The following PTCD2 variants were observed in gnomAD, a reference collection of about 807,000 sequenced individuals.
PTCD2 encodes pentatricopeptide repeat domain 2.
A neutral mutation model predicts 42.6 loss-of-function variants in PTCD2; 31 were observed. The observed-to-expected ratio is 0.73, with a 90% confidence interval of 0.55 to 0.98. PTCD2 has a LOEUF of 0.98. PTCD2 is among the 50% of genes least tolerant of loss of function. The pLI is 0.00. For synonymous variants in PTCD2, 183 were observed against 170.9 expected (o/e 1.07, Z -0.55); for missense variants, 476 against 454.8 (o/e 1.05, Z -0.42).
intron 9 of PTCD2, among the ~76,000 whole-genome samples, chr5:72,356,319 A>G (rs1386304868): frequency 1.3e-5 from 2 of 152,212 alleles, no homozygotes; most frequent in African/African-American, 2.4e-5. Context: ...AAATACTCAT[A>G]TAAGACTCTT....
chr5:72,344,968 G>A (rs556416420), intron 8 of PTCD2, among the ~76,000 whole-genome samples: 15 of 152,232 alleles, frequency 9.9e-5, no homozygotes, highest in East Asian at 5.8e-4. Flanking sequence ...ATGAAGTTTC[G>A]GGCATGCATT....
Position 72,351,793 on chromosome 5 carries a change from T to A in PTCD2, c.829-848T>A, listed in dbSNP as rs55742019. ...GTCCCTCCCCCGACACTGGAGATTA[T>A]CATTCGAGATGAAATTTGGGTGGGG... On this transcript the variant is annotated intron_variant, in intron 8 of 9. Coordinates refer to ENST00000380639, the MANE Select transcript of PTCD2 (RefSeq NM_024754.5). 9.0e-3 allele frequency among the ~76,000 whole-genome samples: 1,373 copies of A among 152,232 alleles called. 33 individuals are homozygous for A. Among genetic ancestry groups the A allele is most frequent in the African/African-American group, 0.032 (1,317 of 41,530 alleles).
At chr5:72,352,037 C>G (rs1752647912) in intron 8 of PTCD2, among the ~76,000 whole-genome samples, 1 of 152,178 alleles carries the variant, frequency 6.6e-6, no homozygotes, top group African/African-American at 2.4e-5. Flanking sequence ...AAGTACCAGT[C>G]CAGAGTCACT....
At chr5:72,330,824 C>T (rs1166937974) in intron 3 of PTCD2, among the ~76,000 whole-genome samples, 2 of 152,078 alleles carry the variant, frequency 1.3e-5, no homozygotes, top group Non-Finnish European at 2.9e-5. Context: ...GTCTGCCATC[C>T]TATATGAGGA....
intron 9 of PTCD2, among the ~76,000 whole-genome samples, chr5:72,357,190 A>C (rs1752917590): frequency 6.6e-6 from 1 of 152,132 alleles, no homozygotes; most frequent in African/African-American, 2.4e-5. Flanking sequence ...TCAGGTCCAA[A>C]CAGAGCTCTT....
chr5:72,326,990 C>G (rs1751175741), intron 3 of PTCD2, among the ~76,000 whole-genome samples: 1 of 152,172 alleles, frequency 6.6e-6, no homozygotes, highest in African/African-American at 2.4e-5. Flanking sequence ...AAGAAGTTAC[C>G]AGCCTATCAC....
At position 72,368,296 on chromosome 5, in the gene PTCD2, C is replaced by G. The variant is rs1443647748; in HGVS notation, c.*9869C>G. 2.0e-5 allele frequency: 3 copies of G among 152,172 alleles called. No homozygotes were observed. The highest frequency in any genetic ancestry group is 7.2e-5 in the African/African-American group (3 of 41,440). 9.4% of individuals were successfully genotyped at this position (152,172 alleles called of 1,614,324 possible). Reference sequence around the variant, plus strand: ...TGAGACAGATAGGCGGAATAGGTCCCCCTGTCTTTGAGTAGAAGAGTTGGC... The same window carrying G: ...TGAGACAGATAGGCGGAATAGGTCCGCCTGTCTTTGAGTAGAAGAGTTGGC... On this transcript the variant is annotated 3_prime_UTR_variant, in exon 10 of 10. Transcript: ENST00000380639.
At chr5:72,340,705 A>G (rs1752007547) in intron 7 of PTCD2, among the ~76,000 whole-genome samples, 1 of 151,828 alleles carries the variant, frequency 6.6e-6, no homozygotes, top group Non-Finnish European at 1.5e-5. Flanking sequence ...TTGTTTTTGT[A>G]CTTGAACTAC....
At chr5:72,347,429 TA>T (rs1752411877) in intron 8 of PTCD2, among the ~76,000 whole-genome samples, 1 of 152,190 alleles carries the variant, frequency 6.6e-6, no homozygotes, top group Admixed American at 6.5e-5. Flanking sequence ...CTCATGCCTG[TA>T]ATCTCAGCAC....
intron 8 of PTCD2, among the ~76,000 whole-genome samples, chr5:72,351,051 T>C (rs886442995): frequency 6.6e-6 from 1 of 152,342 alleles, no homozygotes; most frequent in Middle Eastern, 3.4e-3. Flanking sequence ...GAAATAAATG[T>C]CTGTTGTGTA....
intron 8 of PTCD2, 43 bp from the exon 9 acceptor site, chr5:72,352,598 A>T: frequency 3.2e-6 from 3 of 933,914 alleles, no homozygotes; most frequent in South Asian, 1.4e-5. Flanking sequence ...GCATTGAGAC[A>T]CTCACTCAGT....
At chr5:72,357,125 G>A (rs1436669009) in intron 9 of PTCD2, among the ~76,000 whole-genome samples, 1 of 152,088 alleles carries the variant, frequency 6.6e-6, no homozygotes, top group Non-Finnish European at 1.5e-5. Flanking sequence ...CCCCAGACTT[G>A]TATATCCAAC....
intron 4 of PTCD2, among the ~76,000 whole-genome samples, chr5:72,333,901 G>A (rs967431618): frequency 6.6e-6 from 1 of 152,068 alleles, no homozygotes; most frequent in African/African-American, 2.4e-5. Context: ...TCACCTAAGC[G>A]GGAATACAGT....
chr5:72,344,685 G>A lies in PTCD2; in HGVS notation c.828+1649G>A, dbSNP rs553446140. ...TCTTTTCTATTTTCCCTAAGTGTCG[G>A]CCAGTCTGAGAAATAAAGGGACAGA... On this transcript the variant is annotated intron_variant, in intron 8 of 9. Coordinates refer to ENST00000380639, the MANE Select transcript of PTCD2 (RefSeq NM_024754.5). Among the ~76,000 whole-genome samples the A allele has an allele frequency of 2.0e-5, 3 of 152,202 alleles. No individual in the cohort carries two copies. In the South Asian group the frequency reaches 6.2e-4, roughly 32 times the overall value.
intron 9 of PTCD2, 130 bp downstream of exon 9, chr5:72,352,884 T>C (rs556340657): frequency 1.7e-6 from 1 of 578,080 alleles, no homozygotes; most frequent in African/African-American, 1.9e-5. Flanking sequence ...GTTGTTCCTG[T>C]TTTAAGACTT....
chr5:72,338,737 T>TAA lies in PTCD2; in HGVS notation c.753+4_753+5dup, dbSNP rs1422948116. 1 of 1,556,938 alleles carries TAA rather than the reference T, an allele frequency of 6.4e-7. No homozygotes were observed. The highest frequency in any genetic ancestry group is 1.1e-5 in the South Asian group (1 of 89,368). ...GCTGTGGCATTAGCTCTGAATCAGG[T>TAA]AAAGCCTTGTGGTGTACATAAGTAA... On this transcript the variant is annotated splice_region_variant and intron_variant, in intron 7 of 9. Coordinates refer to ENST00000380639, the MANE Select transcript of PTCD2 (RefSeq NM_024754.5).
Position 72,344,773 on chromosome 5 carries a change from C to T in PTCD2, c.828+1737C>T, listed in dbSNP as rs1028898589. Among the ~76,000 whole-genome samples the T allele has an allele frequency of 5.3e-5, 8 of 152,092 alleles. 1 individual carries two copies. In the South Asian group the frequency reaches 1.2e-3, roughly 24 times the overall value. ...GGAGACATCACATGTCGGCAGGTTC[C>T]GTGATGCCCCGTGAGCCATAAAACC... is the stretch of plus-strand genomic sequence containing the variant. On this transcript the variant is annotated intron_variant, in intron 8 of 9. Transcript: ENST00000380639.
intron 2 of PTCD2, among the ~76,000 whole-genome samples, chr5:72,322,500 C>G (rs1014460887): frequency 6.6e-6 from 1 of 152,192 alleles, no homozygotes; most frequent in African/African-American, 2.4e-5. Flanking sequence ...AGTATTAAAG[C>G]TAGTGCTGCG....
chr5:72,346,593 T>G (rs935739028), intron 8 of PTCD2, among the ~76,000 whole-genome samples: 1 of 152,096 alleles, frequency 6.6e-6, no homozygotes, highest in Non-Finnish European at 1.5e-5. Flanking sequence ...TTGGCAAAGG[T>G]CCAGAGTCCA....
Sources: allele counts gnomAD v4.1 joint callset (sites outside exome capture counted in the v4.1 genomes callset), GRCh38; gene constraint gnomAD v4.1.1; transcripts MANE v1.5; gene names NCBI Gene and HGNC (gene_info 2026-07-23, HGNC 2026-07-21).